Variants in ZNF804B observed in about 807,000 individuals in gnomAD.
ZNF804B encodes the protein zinc finger 804B.
Under a neutral mutation model 101.4 loss-of-function variants are expected in ZNF804B, and 80 were observed. That is an observed-to-expected ratio of 0.79 (90% confidence interval 0.66 to 0.95). The LOEUF (loss-of-function observed/expected upper bound fraction) is 0.95, where lower values mean the gene tolerates loss of function less well. Ranked by LOEUF, ZNF804B falls within the 40% of genes least tolerant of loss-of-function variation. The pLI is 0.00. For synonymous variants in ZNF804B, 622 were observed against 558.8 expected (o/e 1.11, Z -1.59); for missense variants, 1,673 against 1,561.9 (o/e 1.07, Z -1.20).
At chr7:89,087,132 G>A (rs1789817066) in intron 1 of ZNF804B, among the ~76,000 whole-genome samples, 1 of 151,560 alleles carries the variant, frequency 6.6e-6, no homozygotes, top group African/African-American at 2.4e-5. Context: ...ATGTACCAGT[G>A]AAGTGGTAAG....
chr7:88,888,922 G>C (rs1444790440), intron 1 of ZNF804B, among the ~76,000 whole-genome samples: 2 of 152,048 alleles, frequency 1.3e-5, no homozygotes, highest in East Asian at 1.9e-4. Context: ...CCTAATAGTT[G>C]TTCAGCCCTT....
intron 2 of ZNF804B, among the ~76,000 whole-genome samples, chr7:89,272,707 G>T (rs1378589063): frequency 6.6e-6 from 1 of 151,920 alleles, no homozygotes; most frequent in African/African-American, 2.4e-5. Context: ...TTGGAGAAGG[G>T]AAAAAATGCT....
chr7:89,118,178 T>C (rs1455592444), intron 1 of ZNF804B, among the ~76,000 whole-genome samples: 2 of 152,180 alleles, frequency 1.3e-5, no homozygotes, highest in East Asian at 3.9e-4. Context: ...ACTCATAATC[T>C]TACAATTGTT....
At chr7:89,121,339 A>G (rs894145035) in intron 1 of ZNF804B, among the ~76,000 whole-genome samples, 6 of 151,600 alleles carry the variant, frequency 4.0e-5, no homozygotes, top group Non-Finnish European at 8.9e-5. Flanking sequence ...AGTTGTTAAG[A>G]TGTCTCTAGT....
chr7:89,209,246 C>A (rs1051930792), intron 1 of ZNF804B, among the ~76,000 whole-genome samples: 10 of 152,002 alleles, frequency 6.6e-5, no homozygotes. Context: ...GACAATTTCA[C>A]ATGTTTAATG....
intron 2 of ZNF804B, among the ~76,000 whole-genome samples, chr7:89,247,577 A>AATC (rs1789470372): frequency 6.6e-6 from 1 of 152,154 alleles, no homozygotes; most frequent in African/African-American, 2.4e-5. Flanking sequence ...AAATAATAAT[A>AATC]ATATTACAGA....
chr7:89,212,094 C>A (rs1788813631), intron 1 of ZNF804B, among the ~76,000 whole-genome samples: 1 of 151,974 alleles, frequency 6.6e-6, no homozygotes, highest in Non-Finnish European at 1.5e-5. Context: ...GTATTTTATT[C>A]TCTTTGTAAA....
chr7:89,300,968 G>A (rs1465518379), intron 2 of ZNF804B, among the ~76,000 whole-genome samples: 2 of 151,718 alleles, frequency 1.3e-5, no homozygotes, highest in Non-Finnish European at 2.9e-5. Flanking sequence ...TGTAAGCATT[G>A]CACAGGGATA....
At chr7:89,162,652 TTTATTA>T (rs10658439) in intron 1 of ZNF804B, among the ~76,000 whole-genome samples, 1 of 148,048 alleles carries the variant, frequency 6.8e-6, no homozygotes, top group Non-Finnish European at 1.5e-5. Context: ...TAAATATTCT[TTTATTA>T]TTATTATTAT....
intron 1 of ZNF804B, among the ~76,000 whole-genome samples, chr7:89,051,991 G>C (rs1383759756): frequency 7.9e-5 from 12 of 152,010 alleles, no homozygotes; most frequent in Admixed American, 7.9e-4. Flanking sequence ...GTTTGTCTTT[G>C]AACTTTGGGA....
intron 1 of ZNF804B, among the ~76,000 whole-genome samples, chr7:88,817,341 T>C (rs527666951): frequency 8.9e-4 from 135 of 152,144 alleles, no homozygotes; most frequent in African/African-American, 2.8e-3. Context: ...GTAACAAACC[T>C]GCACCTTGTG....
intron 1 of ZNF804B, among the ~76,000 whole-genome samples, chr7:89,089,571 A>C (rs888341298): frequency 6.6e-6 from 1 of 152,136 alleles, no homozygotes; most frequent in Non-Finnish European, 1.5e-5. Flanking sequence ...TTTTGCACCC[A>C]CACATACCAA....
intron 1 of ZNF804B, chr7:88,794,732 G>T (rs762606678): frequency 1.9e-6 from 3 of 1,613,392 alleles, no homozygotes; most frequent in Non-Finnish European, 2.5e-6. Context: ...TGAAACATTT[G>T]TTCATAGTAG....
chr7:88,947,055 A>G (rs1406690325), intron 1 of ZNF804B, among the ~76,000 whole-genome samples: 1 of 152,028 alleles, frequency 6.6e-6, no homozygotes, highest in Non-Finnish European at 1.5e-5. Flanking sequence ...GAATGCTTTT[A>G]CACTTTTTTT....
At chr7:88,949,286 C>T (rs1379516978) in intron 1 of ZNF804B, among the ~76,000 whole-genome samples, 1 of 151,626 alleles carries the variant, frequency 6.6e-6, no homozygotes, top group Non-Finnish European at 1.5e-5. Flanking sequence ...CTGCCTGGGA[C>T]ACTTTAGAAT....
chr7:88,908,988 A>C (rs1411131409), intron 1 of ZNF804B, among the ~76,000 whole-genome samples: 1 of 151,794 alleles, frequency 6.6e-6, no homozygotes, highest in Non-Finnish European at 1.5e-5. Flanking sequence ...AAATTAAAAC[A>C]TTTTTATGGC....
chr7:88,987,011 C>A (rs968767329), intron 1 of ZNF804B, among the ~76,000 whole-genome samples: 1 of 152,026 alleles, frequency 6.6e-6, no homozygotes, highest in East Asian at 1.9e-4. Flanking sequence ...GCCTGTTATT[C>A]AAAATTCTCT....
intron 2 of ZNF804B, among the ~76,000 whole-genome samples, chr7:89,303,222 T>C (rs1790509496): frequency 6.6e-6 from 1 of 151,956 alleles, no homozygotes; most frequent in African/African-American, 2.4e-5. Flanking sequence ...CAGATATTTG[T>C]ATATTGCTGG....
At chr7:88,898,382 G>A (rs1039268526) in intron 1 of ZNF804B, among the ~76,000 whole-genome samples, 4 of 151,792 alleles carry the variant, frequency 2.6e-5, no homozygotes, top group Non-Finnish European at 4.4e-5. Context: ...CACAGCGCCC[G>A]GCCAGTTCTC....
Sources: allele counts gnomAD v4.1 joint callset (sites outside exome capture counted in the v4.1 genomes callset), GRCh38; gene constraint gnomAD v4.1.1; transcripts MANE v1.5; gene names NCBI Gene and HGNC (gene_info 2026-07-23, HGNC 2026-07-21).